Variants in SH3KBP1 observed in about 807,000 individuals in gnomAD.
The protein encoded by SH3KBP1 is SH3 domain-containing kinase-binding protein 1.
SH3KBP1 carries 8 observed loss-of-function variants against 50.1 expected under a neutral mutation model. That is an observed-to-expected ratio of 0.16 (90% CI 0.09 to 0.29). The LOEUF is 0.29. Ranked by LOEUF, SH3KBP1 falls within the 10% of genes least tolerant of loss-of-function variation. The pLI is 1.00. For synonymous variants in SH3KBP1, 227 were observed against 218.6 expected (o/e 1.04, Z -0.34); for missense variants, 377 against 535.2 (o/e 0.70, Z 2.92).
At chrX:19,724,991 C>A (rs1354864634) in intron 3 of SH3KBP1, among the ~76,000 whole-genome samples, 2 of 111,621 alleles carry the variant, frequency 1.8e-5, no homozygotes, top group Non-Finnish European at 3.8e-5. Context: ...AGCTGGCCTC[C>A]TTGGGGATTA....
chrX:19,856,129 AAAG>A (rs1381375115), intron 1 of SH3KBP1, among the ~76,000 whole-genome samples: 1 of 111,250 alleles, frequency 9.0e-6, no homozygotes, highest in Non-Finnish European at 1.9e-5. Context: ...TTAAAAAAAA[AAAG>A]GAGAGGAAAT....
intron 11 of SH3KBP1, among the ~76,000 whole-genome samples, chrX:19,590,715 C>T (rs2066717700): frequency 9.4e-6 from 1 of 106,470 alleles, no homozygotes; most frequent in African/African-American, 3.5e-5. Context: ...ATGGTCACAG[C>T]TCACAGCAGT....
At position 19,534,532 on chromosome X, in the gene SH3KBP1, G is replaced by A. The variant is rs1008032909; in HGVS notation, c.*1885C>T. 4.8e-5 allele frequency: 9 copies of A among 188,365 alleles called. No individual in the cohort carries two copies. Among genetic ancestry groups the A allele is most frequent in the African/African-American group, 1.2e-4 (4 of 33,799 alleles). 15.5% of individuals were successfully genotyped at this position (188,365 alleles called of 1,213,427 possible). A position where few individuals can be genotyped will look rare whatever the true frequency, so the allele number is the denominator to read the frequency against. On this transcript the variant is annotated 3_prime_UTR_variant, in exon 18 of 18. Transcript: ENST00000397821. Reference sequence around the variant, plus strand: ...ATCTGCATTCTTAGATCATTAGGTCGTGGGGAATCTCTGGAATCTTCAAGT... The same window carrying A: ...ATCTGCATTCTTAGATCATTAGGTCATGGGGAATCTCTGGAATCTTCAAGT...
At chrX:19,791,308 C>T (rs906508252) in intron 2 of SH3KBP1, among the ~76,000 whole-genome samples, 8 of 111,271 alleles carry the variant, frequency 7.2e-5, no homozygotes, top group Non-Finnish European at 1.5e-4. Flanking sequence ...CACTGCTAAG[C>T]ATGTATCCTA....
At chrX:19,746,272 C>T in intron 3 of SH3KBP1, 46 bp downstream of exon 3, 1 of 1,190,924 alleles carries the variant, frequency 8.4e-7, no homozygotes, top group South Asian at 1.8e-5. Flanking sequence ...AAGTTTCCAG[C>T]TTTTGTTTGT....
chrX:19,589,705 A>G (rs1219915330), intron 11 of SH3KBP1, among the ~76,000 whole-genome samples: 2 of 110,577 alleles, frequency 1.8e-5, no homozygotes, highest in Non-Finnish European at 3.8e-5. Context: ...GAGTTGCCCA[A>G]CGGACTATAG....
At chrX:19,713,734 G>C (rs1182656128) in intron 3 of SH3KBP1, among the ~76,000 whole-genome samples, 1 of 111,097 alleles carries the variant, frequency 9.0e-6, no homozygotes, top group Non-Finnish European at 1.9e-5. Flanking sequence ...CTCTTTTCTA[G>C]CTATTTTGAA....
At chrX:19,632,985 T>C (rs911866543) in intron 7 of SH3KBP1, among the ~76,000 whole-genome samples, 9 of 112,445 alleles carry the variant, frequency 8.0e-5, no homozygotes, top group Non-Finnish European at 1.7e-4. Context: ...CCTAGAGCTA[T>C]GTCTTAGAGG....
chrX:19,847,085 C>A (rs891912819), intron 1 of SH3KBP1, among the ~76,000 whole-genome samples: 3 of 111,366 alleles, frequency 2.7e-5, no homozygotes, highest in Non-Finnish European at 5.7e-5. Flanking sequence ...TGGGGGTGGG[C>A]AAGGGCTGAG....
At chrX:19,665,055 T>C (rs1019334161) in intron 6 of SH3KBP1, among the ~76,000 whole-genome samples, 4 of 111,653 alleles carry the variant, frequency 3.6e-5, no homozygotes, top group African/African-American at 1.3e-4. Context: ...TCTAGAAAAG[T>C]TACCCAAGAA....
At chrX:19,553,597 G>A (rs1389390406) in intron 13 of SH3KBP1, among the ~76,000 whole-genome samples, 1 of 108,170 alleles carries the variant, frequency 9.2e-6, no homozygotes, top group Non-Finnish European at 1.9e-5. Flanking sequence ...GGCTCCTAGC[G>A]GGATGTGAGT....
At chrX:19,690,690 G>C (rs928287358) in intron 5 of SH3KBP1, among the ~76,000 whole-genome samples, 1 of 112,511 alleles carries the variant, frequency 8.9e-6, no homozygotes, top group Non-Finnish European at 1.9e-5. Context: ...GACAACAGTC[G>C]TATCTGGATT....
intron 8 of SH3KBP1, among the ~76,000 whole-genome samples, chrX:19,624,778 A>G (rs888758033): frequency 7.1e-5 from 8 of 112,464 alleles, no homozygotes; most frequent in African/African-American, 2.3e-4. Flanking sequence ...GGACATAAGC[A>G]GTCTAACAAG....
chrX:19,680,380 C>CAAA (rs763413288), intron 6 of SH3KBP1, among the ~76,000 whole-genome samples: 3 of 37,769 alleles, frequency 7.9e-5, no homozygotes, highest in African/African-American at 1.7e-4. Context: ...ACTCTTGTTT[C>CAAA]AAAAAAAAAA....
At chrX:19,718,715 G>A (rs1369206959) in intron 3 of SH3KBP1, among the ~76,000 whole-genome samples, 1 of 111,841 alleles carries the variant, frequency 8.9e-6, no homozygotes. Context: ...TGCTTTTCAT[G>A]GGGCTGAATG....
At chrX:19,722,568 T>G (rs760252467) in intron 3 of SH3KBP1, among the ~76,000 whole-genome samples, 1 of 71,551 alleles carries the variant, frequency 1.4e-5, no homozygotes, top group African/African-American at 6.3e-5. Context: ...GCGTGCGCAC[T>G]GGTGTGTGTG....
At position 19,631,829 on chromosome X, in the gene SH3KBP1, C is replaced by T. The variant is rs751601175; in HGVS notation, c.897+35G>A. ...GTCCAGTCAACACCCCAAAGCAGTTCGCGATTTAGAAGGTAGGAGACAACC... is the reference window on the plus strand; with the variant it reads ...GTCCAGTCAACACCCCAAAGCAGTTTGCGATTTAGAAGGTAGGAGACAACC... On this transcript the variant is annotated intron_variant, in intron 8 of 17. Transcript: ENST00000397821. 17 of 969,574 alleles carry T rather than the reference C, an allele frequency of 1.8e-5. No homozygotes were observed. In the Middle Eastern group the frequency reaches 7.7e-4, roughly 44 times the overall value. 79.9% of individuals were successfully genotyped at this position (969,574 alleles called of 1,213,427 possible).
chrX:19,704,090 G>A (rs143012164), intron 4 of SH3KBP1, among the ~76,000 whole-genome samples: 2,525 of 111,691 alleles, frequency 0.023, 82 homozygotes, highest in African/African-American at 0.078. Context: ...GTTTTTGATC[G>A]TATTTTAAAA....
chrX:19,567,902 T>C (rs1033954590), intron 13 of SH3KBP1, among the ~76,000 whole-genome samples: 1 of 111,205 alleles, frequency 9.0e-6, no homozygotes, highest in Non-Finnish European at 1.9e-5. Flanking sequence ...AAAAAAAATT[T>C]ATACTATTTG....
Sources: allele counts gnomAD v4.1 joint callset (sites outside exome capture counted in the v4.1 genomes callset), GRCh38; gene constraint gnomAD v4.1.1; transcripts MANE v1.5; gene names NCBI Gene and HGNC (gene_info 2026-07-23, HGNC 2026-07-21).